Variants in MAPRE3 observed in about 807,000 individuals in gnomAD.
MAPRE3 encodes the protein microtubule associated protein RP/EB family member 3, also known as microtubule-associated protein RP/EB family member 3.
In MAPRE3, 2 loss-of-function variants were observed where a neutral mutation model predicts 30.5. That is an observed-to-expected ratio of 0.07 (90% confidence interval 0.03 to 0.21). The LOEUF (loss-of-function observed/expected upper bound fraction) is 0.21, where lower values mean the gene tolerates loss of function less well. Among genes scored for constraint, MAPRE3 ranks in the 10% least tolerant of loss-of-function variants. The probability of loss-of-function intolerance (pLI) is 1.00; values close to 1 mark genes in which losing one functional copy is unlikely to be tolerated. For synonymous variants in MAPRE3, 110 were observed against 127.7 expected, an observed-to-expected ratio of 0.86 and a Z score of 0.93; for missense variants, 204 against 351.8, an observed-to-expected ratio of 0.58 and a Z score of 3.36.
intron 1 of MAPRE3, 114 bp from the exon 2 acceptor site, chr2:27,022,098 C>A: frequency 7.9e-7 from 1 of 1,271,326 alleles, no homozygotes. Context: ...AACTGCGAGG[C>A]CAATCTGGAG....
intron 1 of MAPRE3, among the ~76,000 whole-genome samples, chr2:26,994,905 T>C (rs1666420278): frequency 6.7e-6 from 1 of 149,580 alleles, no homozygotes; most frequent in Admixed American, 6.8e-5. Context: ...AGCAGGATCA[T>C]GGCTCACTGC....
Position 27,026,040 on chromosome 2 carries a change from C to A in MAPRE3, c.777+8C>A. On this transcript the variant is annotated splice_region_variant and intron_variant, in intron 6 of 6. Transcript: ENST00000233121. ...ATCCTCTATGCCACAGAGGTGAGCA[C>A]TCCCAGGCCCATTGGGCCCTCCCCA... is the stretch of plus-strand genomic sequence containing the variant. The A allele has an allele frequency of 6.2e-7, 1 of 1,614,088 alleles. No individual in the cohort carries two copies.
rs549710435 is a variant in MAPRE3, at chr2:26,985,059, G to A, written c.-8+14257G>A. 6.6e-6 allele frequency: 1 copy of A among 152,324 alleles called. No individual in the cohort carries two copies. Among genetic ancestry groups the A allele is most frequent in the South Asian group, 2.1e-4 (1 of 4,832 alleles). 9.4% of individuals were successfully genotyped at this position (152,324 alleles called of 1,614,324 possible). ...GGTGTCTAAATGCCCAAGATCATTG[G>A]CTGAACTGCCTGAGTTTACTGCAGC... On this transcript the variant is annotated intron_variant, in intron 1 of 6. Transcript: ENST00000233121. The surrounding 1 kb of genome is among the most constrained non-coding windows in gnomAD (Gnocchi z 4.2).
At position 27,026,002 on chromosome 2, in the gene MAPRE3, A is replaced by G. The variant is rs1375066007; in HGVS notation, c.747A>G (p.Ser249=). The G allele has an allele frequency of 6.2e-7, 1 of 1,614,214 alleles. No homozygotes were observed. The highest frequency in any genetic ancestry group is 8.5e-7 in the Non-Finnish European group (1 of 1,180,030). ...EHESENSPVI[S]GIIGILYATE... ...AAAGTGAAAACAGCCCTGTTATCTC[A>G]GGCATCATTGGCATCCTCTATGCCA... is the stretch of plus-strand genomic sequence containing the variant. Residue 249 remains serine, a synonymous_variant, in exon 6 of 7, where the codon TCA becomes TCG. Coordinates refer to ENST00000233121, the MANE Select transcript of MAPRE3 (RefSeq NM_012326.4).
In MAPRE3 at chr2:26,986,314, A is replaced by C. The variant is rs1666218576; in HGVS notation, c.-8+15512A>C. 6.6e-6 allele frequency among the ~76,000 whole-genome samples: 1 copy of C among 152,158 alleles called. No individual in the cohort carries two copies. Among genetic ancestry groups the C allele is most frequent in the African/African-American group, 2.4e-5 (1 of 41,414 alleles). On this transcript the variant is annotated intron_variant, in intron 1 of 6. Coordinates refer to ENST00000233121, the MANE Select transcript of MAPRE3 (RefSeq NM_012326.4). This position sits in a 1 kb window ranked among gnomAD's most constrained non-coding sequence, Gnocchi z 4.2. ...CACAGAAACCTTAATCACATCTGCA[A>C]AGTCCCTTTTGCCATTTAAGATGAC...
intron 1 of MAPRE3, among the ~76,000 whole-genome samples, chr2:26,993,042 G>GT (rs1367232222): frequency 1.3e-5 from 2 of 152,112 alleles, no homozygotes; most frequent in African/African-American, 4.8e-5. Context: ...TACCATGCAT[G>GT]TTTTAACTGG....
chr2:26,992,229 A>ATT (rs34619033), intron 1 of MAPRE3, among the ~76,000 whole-genome samples: 83 of 146,706 alleles, frequency 5.7e-4, no homozygotes, highest in East Asian at 1.2e-3. Context: ...TTACCAGATA[A>ATT]TTTTTTTTTT....
At chr2:26,987,498 C>T (rs1273607470) in intron 1 of MAPRE3, among the ~76,000 whole-genome samples, 2 of 151,994 alleles carry the variant, frequency 1.3e-5, no homozygotes, top group Non-Finnish European at 2.9e-5. Flanking sequence ...AATAGCTGGG[C>T]ATGGTGGCAG....
intron 1 of MAPRE3, among the ~76,000 whole-genome samples, chr2:26,989,338 T>C (rs1215203130): frequency 3.9e-5 from 6 of 152,158 alleles, no homozygotes. Flanking sequence ...CTGGGTGCTG[T>C]GCAGGATGCT....
intron 1 of MAPRE3, among the ~76,000 whole-genome samples, chr2:26,978,698 T>C (rs554385230): frequency 1.3e-5 from 2 of 152,348 alleles, no homozygotes; most frequent in South Asian, 4.1e-4. Flanking sequence ...TTACAGATTA[T>C]TCATATAAAT....
intron 1 of MAPRE3, among the ~76,000 whole-genome samples, chr2:27,019,996 C>T (rs565897595): frequency 1.6e-4 from 24 of 152,324 alleles, no homozygotes; most frequent in African/African-American, 5.8e-4. Flanking sequence ...AAGGCAGTTT[C>T]TCATTTAGTT....
At chr2:26,982,945 G>A (rs914804578) in intron 1 of MAPRE3, among the ~76,000 whole-genome samples, 3 of 152,142 alleles carry the variant, frequency 2.0e-5, no homozygotes, top group East Asian at 1.9e-4. Context: ...GCCAGCAAAA[G>A]CAATGTTTTG....
intron 3 of MAPRE3, 23 bp downstream of exon 3, chr2:27,023,500 G>A (rs199707029): frequency 3.1e-6 from 5 of 1,612,870 alleles, no homozygotes; most frequent in African/African-American, 2.7e-5. Context: ...GCTCTGGGGG[G>A]CCCTGAGGAG....
chr2:26,976,465 C>G (rs1666016289), intron 1 of MAPRE3, among the ~76,000 whole-genome samples: 1 of 152,140 alleles, frequency 6.6e-6, no homozygotes, highest in Admixed American at 6.5e-5. Context: ...GACAGTTAGC[C>G]AAGTTTCGTG....
At chr2:27,011,352 G>T (rs1476994604) in intron 1 of MAPRE3, among the ~76,000 whole-genome samples, 2 of 152,110 alleles carry the variant, frequency 1.3e-5, no homozygotes, top group East Asian at 3.9e-4. Flanking sequence ...AGCCAAAGGT[G>T]CTTTCACTAT....
At chr2:26,974,701 G>T (rs1019730179) in intron 1 of MAPRE3, among the ~76,000 whole-genome samples, 2 of 152,220 alleles carry the variant, frequency 1.3e-5, no homozygotes, top group African/African-American at 4.8e-5. Context: ...TCCTGGCTGT[G>T]TGGCCTTGGG....
At chr2:26,984,887 G>A (rs1002588803) in intron 1 of MAPRE3, 7 of 152,208 alleles carry the variant, frequency 4.6e-5, no homozygotes, top group Non-Finnish European at 7.3e-5. Flanking sequence ...TTTGTCCCCA[G>A]TAGCACTATT....
intron 1 of MAPRE3, among the ~76,000 whole-genome samples, chr2:27,018,274 C>G (rs1667030740): frequency 6.6e-6 from 1 of 152,098 alleles, no homozygotes; most frequent in South Asian, 2.1e-4. Flanking sequence ...CCCCAGGGGC[C>G]TCATAGGGAA....
intron 1 of MAPRE3, among the ~76,000 whole-genome samples, chr2:27,017,537 G>A (rs1023618968): frequency 8.5e-5 from 13 of 152,122 alleles, no homozygotes; most frequent in Admixed American, 2.6e-4. Flanking sequence ...TTTTCAAGCC[G>A]CTATGTGGCT....
Sources: allele counts gnomAD v4.1 joint callset (sites outside exome capture counted in the v4.1 genomes callset), GRCh38; gene constraint gnomAD v4.1.1; non-coding constraint Gnocchi (gnomAD v3.1); transcripts MANE v1.5; gene names NCBI Gene and HGNC (gene_info 2026-07-23, HGNC 2026-07-21).